Variants in KCNIP4 observed in about 807,000 individuals in gnomAD.
KCNIP4 encodes the protein potassium voltage-gated channel interacting protein 4.
KCNIP4 carries 12 observed loss-of-function variants against 34.0 expected under a neutral mutation model. That is an observed-to-expected ratio of 0.35 (90% CI 0.23 to 0.57). The LOEUF (loss-of-function observed/expected upper bound fraction) is 0.57. KCNIP4 is among the 20% of genes least tolerant of loss of function. The probability of loss-of-function intolerance (pLI) is 0.83; values close to 1 mark genes in which losing one functional copy is unlikely to be tolerated. For missense variants in KCNIP4, 238 were observed against 311.7 expected (o/e 0.76, Z 1.78); for synonymous variants, 124 against 102.2 (o/e 1.21, Z -1.29).
At chr4:20,921,953 A>G (rs1211161647) in intron 1 of KCNIP4, among the ~76,000 whole-genome samples, 1 of 152,240 alleles carries the variant, frequency 6.6e-6, no homozygotes. Context: ...AGATGAAAAC[A>G]TTTTTTATCT....
At chr4:21,867,750 T>A (rs935348791) in intron 1 of KCNIP4, among the ~76,000 whole-genome samples, 7 of 152,224 alleles carry the variant, frequency 4.6e-5, no homozygotes, top group African/African-American at 1.4e-4. Context: ...GTTACAGGAA[T>A]CCCTCAAATT....
At chr4:21,487,684 T>C (rs1732034125) in intron 1 of KCNIP4, among the ~76,000 whole-genome samples, 1 of 152,224 alleles carries the variant, frequency 6.6e-6, no homozygotes. Context: ...TTATCTATTC[T>C]TCCCAATTTA....
At chr4:21,070,928 G>T (rs1040700093) in intron 1 of KCNIP4, among the ~76,000 whole-genome samples, 1 of 151,846 alleles carries the variant, frequency 6.6e-6, no homozygotes, top group African/African-American at 2.4e-5. Context: ...GCCCACCTCG[G>T]CTTCCCAAAG....
rs762698250 is a variant in KCNIP4 at position 20,730,060 on chromosome 4, G to A, written c.*22C>T. Reference sequence around the variant, plus strand: ...TAGAATAGTTCACATTTGTCTGTTGGATTCAGGATCTATTTGACAAGTTAA... The same window carrying A: ...TAGAATAGTTCACATTTGTCTGTTGAATTCAGGATCTATTTGACAAGTTAA... On this transcript the variant is annotated 3_prime_UTR_variant, in exon 9 of 9. Transcript: ENST00000382152. 4 of 1,602,340 alleles carry A rather than the reference G, an allele frequency of 2.5e-6. No individual in the cohort carries two copies. The South Asian group carries it at 4.5e-5, about 18-fold the overall frequency.
intron 1 of KCNIP4, among the ~76,000 whole-genome samples, chr4:21,590,067 A>T (rs1184965835): frequency 6.6e-6 from 1 of 151,922 alleles, no homozygotes; most frequent in African/African-American, 2.4e-5. Flanking sequence ...CAAAATTTAG[A>T]GCTTGTATTG....
chr4:21,126,611 A>C (rs1750629763), intron 1 of KCNIP4, among the ~76,000 whole-genome samples: 2 of 119,704 alleles, frequency 1.7e-5, no homozygotes, highest in Admixed American at 8.4e-5. Context: ...GAGAGAAGAG[A>C]AATAGCAAAA....
At chr4:21,924,345 G>A (rs1849539) in intron 1 of KCNIP4, among the ~76,000 whole-genome samples, 33,508 of 149,022 alleles carry the variant, frequency 0.22, 4,641 homozygotes, top group South Asian at 0.32. Flanking sequence ...CCCGGTTCAC[G>A]CCATTCTTCT....
intron 1 of KCNIP4, among the ~76,000 whole-genome samples, chr4:21,130,190 A>G (rs898473640): frequency 6.6e-6 from 1 of 152,002 alleles, no homozygotes; most frequent in African/African-American, 2.4e-5. Context: ...TTGATGCTAC[A>G]TTAGAATCAC....
At chr4:20,780,419 G>A (rs1312912475) in intron 3 of KCNIP4, among the ~76,000 whole-genome samples, 2 of 152,134 alleles carry the variant, frequency 1.3e-5, no homozygotes, top group Admixed American at 6.6e-5. Flanking sequence ...TTACTGTCAA[G>A]CCAATGAACA....
chr4:21,210,601 A>C (rs544195417), intron 1 of KCNIP4, among the ~76,000 whole-genome samples: 1 of 152,328 alleles, frequency 6.6e-6, no homozygotes, highest in East Asian at 1.9e-4. Flanking sequence ...ATAAACAAAA[A>C]AAATCAATTT....
At chr4:21,583,038 A>G (rs377717779) in intron 1 of KCNIP4, among the ~76,000 whole-genome samples, 2 of 151,976 alleles carry the variant, frequency 1.3e-5, no homozygotes, top group East Asian at 3.9e-4. Context: ...CTAAGTGGTA[A>G]GAGAGAACTC....
intron 1 of KCNIP4, among the ~76,000 whole-genome samples, chr4:21,332,418 T>C (rs961985687): frequency 5.3e-5 from 8 of 151,976 alleles, no homozygotes; most frequent in African/African-American, 1.7e-4. Flanking sequence ...TCCATCTCAA[T>C]GGATAAGACA....
intron 1 of KCNIP4, among the ~76,000 whole-genome samples, chr4:21,311,431 C>G (rs1278287388): frequency 1.3e-5 from 2 of 152,150 alleles, no homozygotes; most frequent in Non-Finnish European, 2.9e-5. Flanking sequence ...TGGAAACCAC[C>G]TGTTATCCCA....
intron 3 of KCNIP4, among the ~76,000 whole-genome samples, chr4:20,814,938 C>T (rs1031928928): frequency 3.9e-5 from 6 of 152,174 alleles, no homozygotes; most frequent in Non-Finnish European, 5.9e-5. Context: ...CTGAAGTCTG[C>T]ATTCTGCTTC....
chr4:21,828,403 G>A (rs1291682664), intron 1 of KCNIP4, among the ~76,000 whole-genome samples: 4 of 151,738 alleles, frequency 2.6e-5, no homozygotes, highest in Admixed American at 2.6e-4. Flanking sequence ...CTGAATTTTA[G>A]ATGAAGATAA....
intron 1 of KCNIP4, among the ~76,000 whole-genome samples, chr4:21,218,037 C>T (rs895962528): frequency 1.8e-4 from 26 of 147,930 alleles, no homozygotes; most frequent in Admixed American, 4.7e-4. Context: ...TTTTTTTAGA[C>T]GGAGTTTCCC....
chr4:21,136,312 G>A (rs1344925072), intron 1 of KCNIP4, among the ~76,000 whole-genome samples: 2 of 152,290 alleles, frequency 1.3e-5, no homozygotes, highest in African/African-American at 2.4e-5. Flanking sequence ...TGGAGGAAGC[G>A]AGTAATCTTT....
chr4:21,424,022 T>A (rs982231701), intron 1 of KCNIP4, among the ~76,000 whole-genome samples: 1 of 150,748 alleles, frequency 6.6e-6, no homozygotes, highest in African/African-American at 2.4e-5. Flanking sequence ...GGTTTCACCA[T>A]GTTGGTCAGG....
At chr4:21,919,562 A>G (rs1282464189) in intron 1 of KCNIP4, among the ~76,000 whole-genome samples, 2 of 152,176 alleles carry the variant, frequency 1.3e-5, no homozygotes, top group Non-Finnish European at 2.9e-5. Context: ...TAACAGAAAT[A>G]CGATTATGTT....
Sources: gnomAD v4.1 joint callset for allele counts (sites outside exome capture counted in the v4.1 genomes callset) on GRCh38, gnomAD v4.1.1 for gene constraint, MANE v1.5 for transcripts, NCBI Gene and HGNC (gene_info 2026-07-23, HGNC 2026-07-21) for gene names.